Variants in CADPS2 observed in about 807,000 individuals in gnomAD.
The protein encoded by CADPS2 is calcium dependent secretion activator 2.
In CADPS2, 93 loss-of-function variants were observed where a neutral mutation model predicts 172.5. The ratio of observed to expected loss-of-function variants is 0.54; its 90% CI spans 0.46 to 0.64. The LOEUF is 0.64. Ranked by LOEUF, CADPS2 falls within the 30% of genes least tolerant of loss-of-function variation. The pLI is 0.00. For synonymous variants in CADPS2, 546 were observed against 555.2 expected (o/e 0.98, Z 0.23); for missense variants, 1,420 against 1,565.9 (o/e 0.91, Z 1.57).
At chr7:122,576,121 C>T (rs1297525461) in intron 7 of CADPS2, among the ~76,000 whole-genome samples, 7 of 152,236 alleles carry the variant, frequency 4.6e-5, no homozygotes, top group South Asian at 4.1e-4. Flanking sequence ...GTGACAGTTT[C>T]TCACTTTTCT....
intron 8 of CADPS2, among the ~76,000 whole-genome samples, chr7:122,517,764 A>T (rs2060485929): frequency 6.6e-6 from 1 of 151,972 alleles, no homozygotes; most frequent in Non-Finnish European, 1.5e-5. Flanking sequence ...AATTTAGAGT[A>T]GTCTAAATTC....
chr7:122,469,454 C>T (rs1332247866), intron 14 of CADPS2, among the ~76,000 whole-genome samples: 1 of 152,142 alleles, frequency 6.6e-6, no homozygotes, highest in Non-Finnish European at 1.5e-5. Flanking sequence ...GGAGACGAGA[C>T]AGTTTTAGTA....
At chr7:122,767,924 T>C (rs921722282) in intron 1 of CADPS2, among the ~76,000 whole-genome samples, 1 of 152,162 alleles carries the variant, frequency 6.6e-6, no homozygotes, top group African/African-American at 2.4e-5. Context: ...TTGTTTGTTA[T>C]TTCACTAGAG....
chr7:122,741,929 C>T (rs13233113), intron 1 of CADPS2, among the ~76,000 whole-genome samples: 40,663 of 151,952 alleles, frequency 0.27, 5,779 homozygotes, highest in African/African-American at 0.34. Context: ...TTTTCTAGAA[C>T]AAATTTTACC....
chr7:122,449,434 GC>G (rs1442657034), intron 15 of CADPS2, among the ~76,000 whole-genome samples: 1 of 152,040 alleles, frequency 6.6e-6, no homozygotes, highest in Non-Finnish European at 1.5e-5. Context: ...TCCCACATCA[GC>G]CTCTGGAGTA....
At chr7:122,810,788 C>T (rs925874722) in intron 1 of CADPS2, among the ~76,000 whole-genome samples, 1 of 151,968 alleles carries the variant, frequency 6.6e-6, no homozygotes, top group Non-Finnish European at 1.5e-5. Context: ...GAGATGAGGT[C>T]TCACTATGTT....
At chr7:122,503,935 C>A (rs2059415701) in intron 9 of CADPS2, among the ~76,000 whole-genome samples, 1 of 152,074 alleles carries the variant, frequency 6.6e-6, no homozygotes, top group Non-Finnish European at 1.5e-5. Flanking sequence ...AGGAAAGAGA[C>A]ATTAAAAGCA....
At chr7:122,644,554 G>A (rs1024049487) in intron 3 of CADPS2, among the ~76,000 whole-genome samples, 19 of 152,202 alleles carry the variant, frequency 1.2e-4, no homozygotes, top group East Asian at 1.2e-3. Context: ...AACGACTTGC[G>A]TTAATTTTAT....
rs946937328 is a variant in CADPS2 at position 122,886,403 on chromosome 7, C to A, written c.-66G>T. On this transcript the variant is annotated 5_prime_UTR_variant, in exon 1 of 30. Coordinates refer to ENST00000449022, the MANE Select transcript of CADPS2 (RefSeq NM_017954.11). ...GCGCCTCACCCCCGGCGGCTGCGCC[C>A]GCGGGTCTGAGGGAGCCGCGGGGCT... 2.8e-6 allele frequency: 4 copies of A among 1,454,228 alleles called. No homozygotes were observed. Among genetic ancestry groups the A allele is most frequent in the South Asian group, 1.3e-5 (1 of 74,444 alleles). 90.1% of individuals were successfully genotyped at this position (1,454,228 alleles called of 1,614,324 possible).
At chr7:122,701,867 C>T in intron 2 of CADPS2, 2 of 1,611,570 alleles carry the variant, frequency 1.2e-6, no homozygotes, top group East Asian at 2.2e-5. Flanking sequence ...GCACATGGGA[C>T]ATGTCCTATG....
chr7:122,820,061 T>C (rs1802689625), intron 1 of CADPS2, among the ~76,000 whole-genome samples: 2 of 152,200 alleles, frequency 1.3e-5, no homozygotes, highest in Admixed American at 1.3e-4. Context: ...GTTCAGGATC[T>C]GTGCCTAATC....
chr7:122,771,808 C>T (rs1388905941), intron 1 of CADPS2, among the ~76,000 whole-genome samples: 1 of 152,128 alleles, frequency 6.6e-6, no homozygotes, highest in East Asian at 1.9e-4. Context: ...AAAAGAGAAA[C>T]TGTGGGTACC....
intron 8 of CADPS2, among the ~76,000 whole-genome samples, chr7:122,517,422 G>A (rs2060461375): frequency 6.6e-6 from 1 of 152,066 alleles, no homozygotes. Flanking sequence ...ATACCTAGGA[G>A]TGGGATTGTA....
At chr7:122,388,494 G>T in intron 23 of CADPS2, 89 bp downstream of exon 23, 1 of 1,266,828 alleles carries the variant, frequency 7.9e-7, no homozygotes, top group Non-Finnish European at 1.1e-6. Context: ...TGAAACCTTT[G>T]CTGTGACAAT....
intron 3 of CADPS2, among the ~76,000 whole-genome samples, chr7:122,648,513 C>T (rs947432345): frequency 1.3e-5 from 2 of 151,966 alleles, no homozygotes; most frequent in Admixed American, 1.3e-4. Flanking sequence ...GAAGAGGAAC[C>T]GTCATACACC....
intron 2 of CADPS2, among the ~76,000 whole-genome samples, chr7:122,736,624 T>C (rs1429817294): frequency 6.6e-6 from 1 of 152,206 alleles, no homozygotes; most frequent in Non-Finnish European, 1.5e-5. Context: ...CAATTTACTA[T>C]TGAAATCCAG....
chr7:122,503,950 A>G (rs1417663186), intron 9 of CADPS2, among the ~76,000 whole-genome samples: 1 of 152,130 alleles, frequency 6.6e-6, no homozygotes, highest in Non-Finnish European at 1.5e-5. Context: ...AAAGCATTCT[A>G]TTTTCAATAG....
chr7:122,436,304 A>T, intron 17 of CADPS2: 1 of 1,109,588 alleles, frequency 9.0e-7, no homozygotes, highest in Non-Finnish European at 1.2e-6. Context: ...GTGCTTTAAA[A>T]ATATCACACC....
At chr7:122,408,859 G>A (rs948692112) in intron 19 of CADPS2, among the ~76,000 whole-genome samples, 8 of 152,108 alleles carry the variant, frequency 5.3e-5, no homozygotes, top group African/African-American at 1.9e-4. Context: ...AGTAAATATG[G>A]CCTTAAAATA....
Sources: gnomAD v4.1 joint callset for allele counts (sites outside exome capture counted in the v4.1 genomes callset) on GRCh38, gnomAD v4.1.1 for gene constraint, MANE v1.5 for transcripts, NCBI Gene and HGNC (gene_info 2026-07-23, HGNC 2026-07-21) for gene names.